The following ZBTB20 variants were observed in gnomAD, a reference collection of about 807,000 sequenced individuals.
ZBTB20 encodes zinc finger and BTB domain containing 20, also known as zinc finger and BTB domain-containing protein 20.
ZBTB20 carries 9 observed loss-of-function variants against 56.9 expected under a neutral mutation model. The observed-to-expected ratio is 0.16, with a 90% CI of 0.10 to 0.28. The LOEUF (loss-of-function observed/expected upper bound fraction) is 0.28. ZBTB20 is among the 10% of genes least tolerant of loss of function. The pLI is 1.00. For synonymous variants in ZBTB20, 417 were observed against 420.7 expected (o/e 0.99, Z 0.11); for missense variants, 655 against 1,003.0 (o/e 0.65, Z 4.69).
chr3:115,025,914 T>C (rs1311058269), intron 2 of ZBTB20, among the ~76,000 whole-genome samples: 1 of 149,224 alleles, frequency 6.7e-6, no homozygotes, highest in African/African-American at 2.4e-5. Flanking sequence ...ATATATAAAA[T>C]ATTTAAAAAT....
chr3:114,642,273 C>T (rs2141770), intron 6 of ZBTB20, among the ~76,000 whole-genome samples: 152,116 of 152,122 alleles, frequency 1, 76,055 homozygotes, highest in Non-Finnish European at 1. Flanking sequence ...CTTTCACACA[C>T]TCTGTCTATT....
intron 4 of ZBTB20, among the ~76,000 whole-genome samples, chr3:114,857,967 G>A (rs959414628): frequency 6.6e-6 from 1 of 152,186 alleles, no homozygotes; most frequent in East Asian, 1.9e-4. Flanking sequence ...ATTAGAAGAC[G>A]ATTAATGGAA....
At position 115,130,523 on chromosome 3, in the gene ZBTB20, G is replaced by A. The variant is rs1023227131; in HGVS notation, c.-703+16696C>T. ...CTCTGATGTGGGCATGACCAATAGA[G>A]TCTGATTTAATCACAAACTACAAAT... On this transcript the variant is annotated intron_variant, in intron 1 of 11. Coordinates refer to ENST00000675478, the MANE Select transcript of ZBTB20 (RefSeq NM_001348800.3). Among the ~76,000 whole-genome samples the A allele has an allele frequency of 2.0e-5, 3 of 152,210 alleles. No individual in the cohort carries two copies. The South Asian group carries it at 6.2e-4, about 32-fold the overall frequency.
At chr3:114,879,682 G>A (rs680947) in intron 4 of ZBTB20, among the ~76,000 whole-genome samples, 131,888 of 152,152 alleles carry the variant, frequency 0.87, 58,193 homozygotes, top group East Asian at 0.99. Context: ...TTATTTATAC[G>A]GATTTGAGGC....
chr3:114,918,181 T>C (rs2075821724), intron 3 of ZBTB20, among the ~76,000 whole-genome samples: 1 of 152,046 alleles, frequency 6.6e-6, no homozygotes, highest in African/African-American at 2.4e-5. Flanking sequence ...CTACTGTCAA[T>C]GTTCATTCAA....
In ZBTB20 at chr3:114,748,341, CTT is replaced by C. The variant is rs753505299; in HGVS notation, c.-343+52758_-343+52759del. 1.9e-3 allele frequency among the ~76,000 whole-genome samples: 92 copies of C among 49,638 alleles called. 1 individual carries two copies. The highest frequency in any genetic ancestry group is 4.3e-3 in the African/African-American group (81 of 18,992). 32.6% of individuals were successfully genotyped at this position (49,638 alleles called of 152,430 possible). ...TTCTTTCTTTCTTTCTTTCTTCTTT[CTT>C]TCTTTCTTTTCTCTCTCTCTCTCTC... On this transcript the variant is annotated intron_variant, in intron 5 of 11. Transcript: ENST00000675478.
intron 6 of ZBTB20, among the ~76,000 whole-genome samples, chr3:114,597,083 T>A (rs1273574638): frequency 6.6e-6 from 1 of 152,156 alleles, no homozygotes; most frequent in Admixed American, 6.6e-5. Context: ...CAGATAAGCA[T>A]TGGAGCCTTC....
At chr3:114,843,930 A>AC (rs1334323867) in intron 4 of ZBTB20, among the ~76,000 whole-genome samples, 5 of 148,062 alleles carry the variant, frequency 3.4e-5, no homozygotes, top group East Asian at 2.0e-4. Context: ...CAGGTGATCC[A>AC]CCCCCCTTGG....
At chr3:114,820,511 T>C (rs1032540465) in intron 4 of ZBTB20, among the ~76,000 whole-genome samples, 6 of 152,092 alleles carry the variant, frequency 3.9e-5, no homozygotes, top group African/African-American at 1.4e-4. Flanking sequence ...TTATTCGTTA[T>C]ATATATTTTC....
chr3:114,571,839 T>C (rs1334492816), intron 6 of ZBTB20, among the ~76,000 whole-genome samples: 3 of 152,158 alleles, frequency 2.0e-5, no homozygotes, highest in Non-Finnish European at 4.4e-5. Flanking sequence ...CCCCAAGTAA[T>C]TCTTATGCTA....
chr3:114,959,374 T>A (rs1425487779), intron 3 of ZBTB20, among the ~76,000 whole-genome samples: 1 of 152,094 alleles, frequency 6.6e-6, no homozygotes, highest in Non-Finnish European at 1.5e-5. Context: ...AGATCACTCA[T>A]ATGAGAGAAG....
At chr3:114,541,644 T>G (rs1195557233) in intron 6 of ZBTB20, among the ~76,000 whole-genome samples, 2 of 152,138 alleles carry the variant, frequency 1.3e-5, no homozygotes, top group African/African-American at 4.8e-5. Flanking sequence ...CCAAACAACC[T>G]GTGGACTGTG....
chr3:114,930,992 A>T (rs1444073958), intron 3 of ZBTB20: 1 of 177,190 alleles, frequency 5.6e-6, no homozygotes, highest in African/African-American at 2.4e-5. Flanking sequence ...GAATAGTGAG[A>T]GTGGAGAAAA....
chr3:114,433,240 G>C (rs1434277051), intron 7 of ZBTB20, among the ~76,000 whole-genome samples: 1 of 152,138 alleles, frequency 6.6e-6, no homozygotes. Context: ...GAACCACTTG[G>C]AATGAAATCC....
chr3:114,915,505 A>G (rs2075709759), intron 3 of ZBTB20, among the ~76,000 whole-genome samples: 5 of 151,278 alleles, frequency 3.3e-5, no homozygotes, highest in Admixed American at 3.3e-4. Context: ...AATGTCTGTC[A>G]ATTTTGTTTA....
intron 4 of ZBTB20, among the ~76,000 whole-genome samples, chr3:114,806,846 A>C (rs1466246000): frequency 1.3e-5 from 2 of 151,964 alleles, no homozygotes; most frequent in African/African-American, 2.4e-5. Context: ...CCTAGCATCA[A>C]TTACAGAGCA....
intron 2 of ZBTB20, among the ~76,000 whole-genome samples, chr3:115,014,080 C>A (rs978477710): frequency 5.9e-5 from 9 of 151,708 alleles, no homozygotes; most frequent in African/African-American, 2.2e-4. Flanking sequence ...TACTATTCAG[C>A]CATAAACAGA....
chr3:115,110,626 T>C (rs939190065), intron 1 of ZBTB20, among the ~76,000 whole-genome samples: 1 of 152,224 alleles, frequency 6.6e-6, no homozygotes, highest in African/African-American at 2.4e-5. Context: ...ATATTGGGTA[T>C]TTCAAAATTG....
intron 1 of ZBTB20, among the ~76,000 whole-genome samples, chr3:115,084,957 C>T (rs547086134): frequency 4.6e-5 from 7 of 152,050 alleles, no homozygotes; most frequent in Admixed American, 3.3e-4. Context: ...TTACTTAACG[C>T]TTTCCTGTTT....
Sources: gnomAD v4.1 joint callset for allele counts (sites outside exome capture counted in the v4.1 genomes callset) on GRCh38, gnomAD v4.1.1 for gene constraint, MANE v1.5 for transcripts, NCBI Gene and HGNC (gene_info 2026-07-23, HGNC 2026-07-21) for gene names.